The following OPRD1 variants were observed in gnomAD, a reference collection of about 807,000 sequenced individuals.
OPRD1 encodes the protein opioid receptor delta 1.
Under a neutral mutation model 17.5 loss-of-function variants are expected in OPRD1, and 19 were observed. The observed-to-expected ratio is 1.09, with a 90% CI of 0.76 to 1.60. OPRD1 has a LOEUF of 1.60. Among genes scored for constraint, OPRD1 ranks in the 40% most tolerant of loss-of-function variants. OPRD1 has a pLI of 0.00. For synonymous variants in OPRD1, 256 were observed against 240.9 expected, an observed-to-expected ratio of 1.06 and a Z score of -0.58; for missense variants, 483 against 547.2, an observed-to-expected ratio of 0.88 and a Z score of 1.17.
At chr1:28,838,409 T>A (rs2088870627) in intron 1 of OPRD1, among the ~76,000 whole-genome samples, 1 of 152,190 alleles carries the variant, frequency 6.6e-6, no homozygotes, top group African/African-American at 2.4e-5. Flanking sequence ...ATTTTCTGTG[T>A]GACCTTGCAC....
intron 1 of OPRD1, among the ~76,000 whole-genome samples, chr1:28,828,758 G>A (rs2088787772): frequency 6.6e-6 from 1 of 150,658 alleles, no homozygotes; most frequent in Non-Finnish European, 1.5e-5. Context: ...GGGAGGCCAA[G>A]GCAGGTGGAT....
Position 28,822,302 on chromosome 1 carries a change from A to G in OPRD1, c.227+9692A>G, listed in dbSNP as rs144067002. Among the ~76,000 whole-genome samples, 101 of 152,202 alleles carry G rather than the reference A, an allele frequency of 6.6e-4. 1 individual carries two copies. The highest frequency in any genetic ancestry group is 1.2e-3 in the Non-Finnish European group (79 of 67,998). On this transcript the variant is annotated intron_variant, in intron 1 of 2. Coordinates refer to ENST00000234961, the MANE Select transcript of OPRD1 (RefSeq NM_000911.4). ...CACAGTCAAAGCTCTCCAAGAAGGT[A>G]CGGGCTGCTGTGTAATGTAGGGAGC...
chr1:28,822,472 T>C (rs773000318), intron 1 of OPRD1, among the ~76,000 whole-genome samples: 1 of 151,950 alleles, frequency 6.6e-6, no homozygotes, highest in Non-Finnish European at 1.5e-5. Flanking sequence ...TGTTTATCGA[T>C]TGATTGATTG....
chr1:28,862,486 G>A (rs960080556), intron 2 of OPRD1, among the ~76,000 whole-genome samples: 1 of 152,170 alleles, frequency 6.6e-6, no homozygotes, highest in African/African-American at 2.4e-5. Flanking sequence ...GGACACAAAG[G>A]CTGAAAAGGG....
rs2088960105 is a variant in OPRD1 at position 28,847,043 on chromosome 1, T to TTCCCCTTTCCCG, written c.228-11901_228-11900insCGTCCCCTTTCC. ...TGTCCCCTTTCCTGTCCCCTTTCCT[T>TTCCCCTTTCCCG]TCCCCTTTCCTGTCCCCTTTCCTTT... On this transcript the variant is annotated intron_variant, in intron 1 of 2. Transcript: ENST00000234961. 4.8e-5 allele frequency among the ~76,000 whole-genome samples: 3 copies of TTCCCCTTTCCCG among 61,898 alleles called. 1 individual carries two copies. Among genetic ancestry groups the TTCCCCTTTCCCG allele is most frequent in the African/African-American group, 1.2e-4 (3 of 24,804 alleles). The allele number at this position is 61,898 out of a possible 152,430, so 40.6% of individuals were successfully genotyped here.
intron 1 of OPRD1, among the ~76,000 whole-genome samples, chr1:28,846,180 G>A (rs939329100): frequency 6.6e-6 from 1 of 152,192 alleles, no homozygotes; most frequent in Admixed American, 6.6e-5. Flanking sequence ...CTTTGTACAT[G>A]CTGTTCCTTC....
chr1:28,831,760 ACTC>A (rs1187612024), intron 1 of OPRD1, among the ~76,000 whole-genome samples: 4 of 150,496 alleles, frequency 2.7e-5, no homozygotes, highest in Non-Finnish European at 4.4e-5. Flanking sequence ...CTGGTCTTGA[ACTC>A]CTGGGCTCCA....
chr1:28,856,110 G>A (rs966788226), intron 1 of OPRD1, among the ~76,000 whole-genome samples: 1 of 152,220 alleles, frequency 6.6e-6, no homozygotes, highest in Non-Finnish European at 1.5e-5. Flanking sequence ...GAGGCATACA[G>A]TATGGGGCCA....
intron 1 of OPRD1, among the ~76,000 whole-genome samples, chr1:28,828,571 C>A (rs563424879): frequency 7.9e-5 from 12 of 151,818 alleles, no homozygotes; most frequent in African/African-American, 2.9e-4. Context: ...CCTGTAATCC[C>A]AGCACTTTGG....
At chr1:28,847,003 CTTCCT>C (rs965909074) in intron 1 of OPRD1, among the ~76,000 whole-genome samples, 5 of 138,398 alleles carry the variant, frequency 3.6e-5, no homozygotes, top group African/African-American at 1.3e-4. Flanking sequence ...CTTCCTTTCC[CTTCCT>C]TTCCTTTCCT....
At chr1:28,831,214 A>G (rs928103203) in intron 1 of OPRD1, among the ~76,000 whole-genome samples, 5 of 152,198 alleles carry the variant, frequency 3.3e-5, no homozygotes, top group Admixed American at 1.3e-4. Flanking sequence ...TTGTTGTCCC[A>G]TATAAGAGAG....
chr1:28,862,497 GC>G (rs2089132252), intron 2 of OPRD1, among the ~76,000 whole-genome samples: 1 of 152,216 alleles, frequency 6.6e-6, no homozygotes. Context: ...CTGAAAAGGG[GC>G]CAGGAGAGAA....
intron 1 of OPRD1, among the ~76,000 whole-genome samples, chr1:28,834,381 C>CTTTTTTTTTTTT: frequency 8.2e-6 from 1 of 121,808 alleles, no homozygotes; most frequent in Non-Finnish European, 1.7e-5. Flanking sequence ...TTCTTTTTTT[C>CTTTTTTTTTTTT]TTTTTTTTTT....
chr1:28,827,742 CTG>C (rs1470543039), intron 1 of OPRD1, among the ~76,000 whole-genome samples: 4,589 of 151,602 alleles, frequency 0.03, 219 homozygotes, highest in African/African-American at 0.1. Flanking sequence ...TCTTTTCCCC[CTG>C]CTCAGAGACA....
intron 1 of OPRD1, among the ~76,000 whole-genome samples, chr1:28,855,611 G>A (rs774183008): frequency 6.6e-5 from 10 of 152,316 alleles, no homozygotes; most frequent in Admixed American, 3.3e-4. Flanking sequence ...GGCAATCAGC[G>A]CTGGGCCGCT....
chr1:28,817,686 G>A (rs1353220418), intron 1 of OPRD1, among the ~76,000 whole-genome samples: 3 of 152,136 alleles, frequency 2.0e-5, no homozygotes, highest in Non-Finnish European at 4.4e-5. Context: ...CCAGAGGTGT[G>A]GCTTTGGGCA....
chr1:28,856,453 C>T (rs537212012), intron 1 of OPRD1, among the ~76,000 whole-genome samples: 12 of 152,316 alleles, frequency 7.9e-5, no homozygotes, highest in East Asian at 3.9e-4. Flanking sequence ...CCTCAGGCCA[C>T]GCTTTAATAA....
chr1:28,818,553 C>T (rs1417423427), intron 1 of OPRD1, among the ~76,000 whole-genome samples: 1 of 152,168 alleles, frequency 6.6e-6, no homozygotes, highest in African/African-American at 2.4e-5. Flanking sequence ...AATGATTCAC[C>T]AATTCACCGA....
chr1:28,863,388 G>C lies in OPRD1; in HGVS notation c.*105G>C. The C allele has an allele frequency of 1.6e-6, 2 of 1,270,266 alleles. No homozygotes were observed. Among genetic ancestry groups the C allele is most frequent in the Non-Finnish European group, 1.0e-6 (1 of 976,068 alleles). The allele number at this position is 1,270,266 out of a possible 1,614,324, so 78.7% of individuals were successfully genotyped here. ...ATGTGGAGTGGGGCAGTAGAAGGTC[G>C]GAGGCTTGGGACCGCCAGATGGGGC... On this transcript the variant is annotated 3_prime_UTR_variant, in exon 3 of 3. Transcript: ENST00000234961.
Sources: gnomAD v4.1 joint callset for allele counts (sites outside exome capture counted in the v4.1 genomes callset) on GRCh38, gnomAD v4.1.1 for gene constraint, MANE v1.5 for transcripts, NCBI Gene and HGNC (gene_info 2026-07-23, HGNC 2026-07-21) for gene names.